Variants in NRXN2 observed in about 807,000 individuals in gnomAD.
NRXN2 encodes the protein neurexin 2.
Under a neutral mutation model 128.8 loss-of-function variants are expected in NRXN2, and 29 were observed. That is an observed-to-expected ratio of 0.23 (90% CI 0.17 to 0.31). The LOEUF is 0.31. Ranked by LOEUF, NRXN2 falls within the 10% of genes least tolerant of loss-of-function variation. The probability of loss-of-function intolerance (pLI) is 1.00; values close to 1 mark genes in which losing one functional copy is unlikely to be tolerated. For synonymous variants in NRXN2, 1,098 were observed against 1,075.2 expected (o/e 1.02, Z -0.41); for missense variants, 1,881 against 2,452.6 (o/e 0.77, Z 4.92).
chr11:64,713,563 C>T lies in NRXN2; in HGVS notation c.137G>A (p.Gly46Asp). Residue 46 changes from glycine (G) to aspartate (D), a missense_variant, in exon 2 of 23, where the codon GGC becomes GAC. Gly to Asp is a moderately conservative substitution (Grantham distance 94). This residue lies in a region of NRXN2 where 997 missense variants were observed against 1,240.8 expected (regional missense o/e 0.80). Coordinates refer to ENST00000265459, the MANE Select transcript of NRXN2 (RefSeq NM_015080.4). ...GCTGAGCTCGCCGCTGCTCGCCGCG[C>T]CCGCCCAGCGCGCGTAGCGAGCCCA... ...GQWARYARWA[G>D]AASSGELSFS... The T allele has an allele frequency of 7.1e-7, 1 of 1,413,828 alleles. No individual in the cohort carries two copies. Among genetic ancestry groups the T allele is most frequent in the Non-Finnish European group, 9.2e-7 (1 of 1,082,336 alleles). 87.6% of individuals were successfully genotyped at this position (1,413,828 alleles called of 1,614,324 possible).
chr11:64,695,103 T>A (rs2054323917), intron 3 of NRXN2, among the ~76,000 whole-genome samples: 1 of 152,082 alleles, frequency 6.6e-6, no homozygotes, highest in African/African-American at 2.4e-5. Context: ...CCTGGCTCAG[T>A]CCCAGCTGGC....
intron 17 of NRXN2, chr11:64,642,992 G>A (rs974351100): frequency 9.9e-7 from 1 of 1,011,470 alleles, no homozygotes; most frequent in Non-Finnish European, 1.2e-6. Flanking sequence ...GAAATCGGGG[G>A]TCCGCGGAGC....
intron 2 of NRXN2, among the ~76,000 whole-genome samples, chr11:64,706,741 C>T (rs973485483): frequency 1.3e-5 from 2 of 152,214 alleles, no homozygotes; most frequent in South Asian, 2.1e-4. Flanking sequence ...TTGCTTCAAA[C>T]GACTTCCCCC....
Position 64,651,117 on chromosome 11 carries a change from C to T in NRXN2, c.2918+138G>A, listed in dbSNP as rs979070348. On this transcript the variant is annotated intron_variant, in intron 14 of 22. Transcript: ENST00000265459. The surrounding 1 kb of genome is among the most constrained non-coding windows in gnomAD (Gnocchi z 5.9). The stretch of plus-strand genomic sequence containing the variant: ...CTTGGCTGAAGAGGGAGCCTCTCGA[C>T]TTACGGTCGGGGACCTGAATCTTGA... 3.8e-5 allele frequency: 46 copies of T among 1,208,738 alleles called. No homozygotes were observed. Among genetic ancestry groups the T allele is most frequent in the Middle Eastern group, 2.7e-4 (1 of 3,672 alleles). The allele number at this position is 1,208,738 out of a possible 1,614,324, so 74.9% of individuals were successfully genotyped here.
chr11:64,704,230 G>T (rs1286251075), intron 2 of NRXN2, among the ~76,000 whole-genome samples: 1 of 152,100 alleles, frequency 6.6e-6, no homozygotes, highest in Non-Finnish European at 1.5e-5. Flanking sequence ...CAGAGATGGT[G>T]TCATAGATGG....
rs2053670234 is a variant in NRXN2, at chr11:64,690,563, G to A, written c.779-87C>T. The A allele has an allele frequency of 9.2e-6, 11 of 1,193,504 alleles. No homozygotes were observed. In the South Asian group the frequency reaches 1.4e-4, roughly 15 times the overall value. 73.9% of individuals were successfully genotyped at this position (1,193,504 alleles called of 1,614,324 possible). A position where few individuals can be genotyped will look rare whatever the true frequency, so the allele number is the denominator to read the frequency against. On this transcript the variant is annotated intron_variant, in intron 4 of 22. Coordinates refer to ENST00000265459, the MANE Select transcript of NRXN2 (RefSeq NM_015080.4). ...TGAGGGGATGAAGGGCCCTCTCCAG[G>A]GTGGAGGTGCTGCTTGCACGGACAG...
At chr11:64,661,684 G>A (rs1043795060) in intron 9 of NRXN2, among the ~76,000 whole-genome samples, 14 of 152,214 alleles carry the variant, frequency 9.2e-5, no homozygotes, top group Non-Finnish European at 1.6e-4. Context: ...ATAACTCTAC[G>A]AAATCAGTCC....
At chr11:64,680,002 G>A (rs939038624) in intron 6 of NRXN2, among the ~76,000 whole-genome samples, 3 of 152,170 alleles carry the variant, frequency 2.0e-5, no homozygotes, top group African/African-American at 7.2e-5. Context: ...CATAGAAAGA[G>A]CTAGAGAGCT....
intron 6 of NRXN2, among the ~76,000 whole-genome samples, chr11:64,683,497 G>A (rs1293645790): frequency 6.6e-6 from 1 of 152,014 alleles, no homozygotes; most frequent in Admixed American, 6.6e-5. Context: ...GCGGGCACCT[G>A]TAATCCCAGC....
At chr11:64,689,407 C>G (rs1215655259) in intron 5 of NRXN2, among the ~76,000 whole-genome samples, 1 of 152,144 alleles carries the variant, frequency 6.6e-6, no homozygotes, top group African/African-American at 2.4e-5. Context: ...AGAGTCTGCA[C>G]TTTTCATGTA....
rs760327117 is a variant in NRXN2 at position 64,650,468 on chromosome 11, G to T, written c.3089C>A (p.Ala1030Asp). Residue 1030 changes from alanine (A) to aspartate (D), a missense_variant, in exon 15 of 23, where the codon GCC (alanine) becomes GAC (aspartate). Ala to Asp is a moderately radical substitution (Grantham distance 126). Coordinates refer to ENST00000265459, the MANE Select transcript of NRXN2 (RefSeq NM_015080.4). ...CCCACCTTTGAGATCGAGGTTTCGG[G>T]CGCCATTGGAGTGCTGCGTGACAGT... ...SRTVTQHSNG[A>D]RNLDLKGELY... 3.1e-6 allele frequency: 5 copies of T among 1,614,066 alleles called. No individual in the cohort carries two copies. The highest frequency in any genetic ancestry group is 4.2e-6 in the Non-Finnish European group (5 of 1,180,048).
intron 2 of NRXN2, among the ~76,000 whole-genome samples, chr11:64,707,288 G>A (rs964765708): frequency 3.3e-5 from 5 of 151,814 alleles, no homozygotes. Flanking sequence ...TCAGGAGGAC[G>A]AGGCAGGAGA....
At chr11:64,655,221 C>T (rs1475189454) in intron 11 of NRXN2, among the ~76,000 whole-genome samples, 1 of 152,190 alleles carries the variant, frequency 6.6e-6, no homozygotes, top group Non-Finnish European at 1.5e-5. Flanking sequence ...CGTTGTCAAC[C>T]GCAGCAGAAG....
Position 64,690,327 on chromosome 11 carries a change from T to TG in NRXN2, c.850+77dup, listed in dbSNP as rs957301085. On this transcript the variant is annotated intron_variant, in intron 5 of 22. Transcript: ENST00000265459. ...ACAAGGGGATGTGCCTGCGTTGACT[T>TG]GGCTTCCCCCCAGGAAGCACAGTTA... 4 of 1,331,924 alleles carry TG rather than the reference T, an allele frequency of 3.0e-6. No homozygotes were observed. In the African/African-American group the frequency reaches 5.8e-5, roughly 19 times the overall value. 82.5% of individuals were successfully genotyped at this position (1,331,924 alleles called of 1,614,324 possible). A position where few individuals can be genotyped will look rare whatever the true frequency, so the allele number is the denominator to read the frequency against.
In NRXN2 at chr11:64,622,878, C is replaced by T. The variant is rs139017278; in HGVS notation, c.4048G>A (p.Ala1350Thr). 5 of 1,612,904 alleles carry T rather than the reference C, an allele frequency of 3.1e-6. No homozygotes were observed. Among genetic ancestry groups the T allele is most frequent in the African/African-American group, 1.3e-5 (1 of 74,942 alleles). ...AGCAGGGTGGTGGCCGTGGTCTCCGCACTGAGCAGCACGGACGGCCCCTCC... is the reference window on the plus strand; with the variant it reads ...AGCAGGGTGGTGGCCGTGGTCTCCGTACTGAGCAGCACGGACGGCCCCTCC... ...VGEGPSVLLS[A>T]ETTATTLLAD... Residue 1350 changes from alanine (A) to threonine (T), a missense_variant, in exon 21 of 23, where the codon GCG becomes ACG. Ala to Thr is a moderately conservative substitution (Grantham distance 58). Coordinates refer to ENST00000265459, the MANE Select transcript of NRXN2 (RefSeq NM_015080.4). This position sits in a 1 kb window ranked among gnomAD's most constrained non-coding sequence, Gnocchi z 4.3.
In NRXN2 at chr11:64,630,439, C is replaced by T. The variant is rs1430867046; in HGVS notation, c.3720G>A (p.Gln1240=). The T allele has an allele frequency of 3.1e-6, 5 of 1,613,378 alleles. No individual in the cohort carries two copies. Among genetic ancestry groups the T allele is most frequent in the Non-Finnish European group, 4.2e-6 (5 of 1,179,874 alleles). ...FTRSGGNATL[Q]VDSWPVNERY... ...GCTCGTTGACCGGCCAGCTGTCCAC[C>T]TGCAGGGTGGCGTTGCCGCCGCTTC... The change falls in exon 19 of 23, where the codon CAG becomes CAA. Residue 1240 remains glutamine (Q), a synonymous_variant. Transcript: ENST00000265459. The surrounding 1 kb of genome is among the most constrained non-coding windows in gnomAD (Gnocchi z 4.6).
At chr11:64,705,825 T>C (rs1158341032) in intron 2 of NRXN2, among the ~76,000 whole-genome samples, 1 of 149,516 alleles carries the variant, frequency 6.7e-6, no homozygotes, top group Non-Finnish European at 1.5e-5. Flanking sequence ...AACTTCATCA[T>C]CTCTGACCCC....
intron 19 of NRXN2, among the ~76,000 whole-genome samples, chr11:64,629,407 C>T (rs1472914131): frequency 6.6e-6 from 1 of 152,162 alleles, no homozygotes; most frequent in South Asian, 2.1e-4. Context: ...CCTGGGCCTG[C>T]ATGTCAGCAT....
At chr11:64,696,528 T>TACAC (rs58158687) in intron 3 of NRXN2, among the ~76,000 whole-genome samples, 11,637 of 138,650 alleles carry the variant, frequency 0.084, 502 homozygotes, top group East Asian at 0.11. Flanking sequence ...CATACATACA[T>TACAC]ACACACACAC....
Sources: gnomAD v4.1 joint callset for allele counts (sites outside exome capture counted in the v4.1 genomes callset) on GRCh38, gnomAD v4.1.1 for gene constraint, gnomAD v4.1.1 regional missense constraint, Gnocchi (gnomAD v3.1) non-coding constraint, MANE v1.5 for transcripts, NCBI Gene and HGNC (gene_info 2026-07-23, HGNC 2026-07-21) for gene names.